The following TBRG1 variants were observed in gnomAD, a reference collection of about 807,000 sequenced individuals.
TBRG1 encodes the protein nuclear interactor of ARF and MDM2.
A neutral mutation model predicts 44.0 loss-of-function variants in TBRG1; 31 were observed. The ratio of observed to expected loss-of-function variants is 0.70; its 90% CI spans 0.53 to 0.95. The LOEUF is 0.95. Among genes scored for constraint, TBRG1 ranks in the 40% least tolerant of loss-of-function variants. The pLI, the probability that TBRG1 is intolerant of heterozygous loss-of-function variation, is 0.00. For synonymous variants in TBRG1, 171 were observed against 188.1 expected (o/e 0.91, Z 0.74); for missense variants, 487 against 496.1 (o/e 0.98, Z 0.18).
intron 4 of TBRG1, 106 bp downstream of exon 4, chr11:124,626,715 A>G (rs1238317619): frequency 2.1e-6 from 3 of 1,450,054 alleles, no homozygotes; most frequent in Middle Eastern, 2.0e-4. Context: ...GCTGATCCAT[A>G]CCAACCCCAG....
intron 7 of TBRG1, 41 bp downstream of exon 7, chr11:124,630,896 G>GAAA (rs1489090798): frequency 1.1e-5 from 15 of 1,378,336 alleles, no homozygotes. Flanking sequence ...AAAGCTCAGT[G>GAAA]ATCATCCGGC....
At chr11:124,630,293 T>C (rs1040791553) in intron 5 of TBRG1, 95 bp from the exon 6 acceptor site, 5 of 858,090 alleles carry the variant, frequency 5.8e-6, no homozygotes, top group Non-Finnish European at 1.0e-5. Context: ...ATACGTCAGC[T>C]TCACGTTCCA....
intron 5 of TBRG1, among the ~76,000 whole-genome samples, chr11:124,628,327 T>C (rs759207088): frequency 6.6e-6 from 1 of 150,694 alleles, no homozygotes; most frequent in Non-Finnish European, 1.5e-5. Flanking sequence ...ATGAAAAGGC[T>C]TTCTTTAGCA....
At position 124,626,503 on chromosome 11, in the gene TBRG1, TGGC is replaced by T; in HGVS notation, c.488_490del (p.Ala163del). 6.5e-7 allele frequency: 1 copy of T among 1,546,374 alleles called. No homozygotes were observed. ...AAGAAAACATGCAAGAAAAAGAAAA[TGGC>T]GGGAGGTGCTCGCAAGCTGGTTCAG... On this transcript the variant is annotated inframe_deletion, in exon 4 of 9. Coordinates refer to ENST00000441174, the MANE Select transcript of TBRG1 (RefSeq NM_032811.3).
At chr11:124,626,079 G>T (rs1942461451) in intron 3 of TBRG1, among the ~76,000 whole-genome samples, 176 bp downstream of exon 3, 1 of 152,146 alleles carries the variant, frequency 6.6e-6, no homozygotes, top group Non-Finnish European at 1.5e-5. Flanking sequence ...AGCCACTTTG[G>T]GTGGAGAAAT....
At chr11:124,628,070 TATATATATATA>T (rs1942513219) in intron 5 of TBRG1, among the ~76,000 whole-genome samples, 1 of 33,168 alleles carries the variant, frequency 3.0e-5, no homozygotes, top group Admixed American at 3.0e-4. Context: ...CTGTTTTATA[TATATATATATA>T]TATATATATA....
chr11:124,632,097 C>T lies in TBRG1; in HGVS notation c.1095C>T (p.Ser365=). ...EDQNDPLLPG[S]LDLPELQPAA... ...TTAAGGAATTGTTTTCTCCAGGATC[C>T]TTGGACCTCCCAGAGCTTCAGCCTG... Residue 365 remains serine (S), a synonymous_variant, in exon 9 of 9, where the codon TCC becomes TCT. Coordinates refer to ENST00000441174, the MANE Select transcript of TBRG1 (RefSeq NM_032811.3). The T allele has an allele frequency of 6.2e-7, 1 of 1,613,616 alleles. No individual in the cohort carries two copies. Among genetic ancestry groups the T allele is most frequent in the South Asian group, 1.1e-5 (1 of 91,054 alleles).
rs1393952661 is a variant in TBRG1, at chr11:124,622,978, C to G, written c.-106C>G. 8.0e-7 allele frequency: 1 copy of G among 1,256,022 alleles called. No individual in the cohort carries two copies. Among genetic ancestry groups the G allele is most frequent in the Non-Finnish European group, 1.1e-6 (1 of 933,780 alleles). 77.8% of individuals were successfully genotyped at this position (1,256,022 alleles called of 1,614,324 possible). A position where few individuals can be genotyped will look rare whatever the true frequency, so the allele number is the denominator to read the frequency against. On this transcript the variant is annotated 5_prime_UTR_variant, in exon 1 of 9. Coordinates refer to ENST00000441174, the MANE Select transcript of TBRG1 (RefSeq NM_032811.3). ...TCCCGGAGAGCTAGATTCCTAGAGG[C>G]CCGATTCCGCTAGCCCGGAACAGAC...
rs772677766 is a variant in TBRG1 at position 124,632,221 on chromosome 11, A to G, written c.1219A>G (p.Ile407Val). Reference protein sequence around the residue: ...HLKSPSQGSPIQSSD With the variant: ...HLKSPSQGSPVQSSD ...GAAGTCTCCATCACAGGGTAGCCCA[A>G]TTCAGTCTTCAGATTGAACAAGAAG... Residue 407 changes from isoleucine to valine, a missense_variant, in exon 9 of 9, where the codon ATT (isoleucine) becomes GTT (valine). Transcript: ENST00000441174. The G allele has an allele frequency of 1.9e-6, 3 of 1,613,772 alleles. No individual in the cohort carries two copies. Among genetic ancestry groups the G allele is most frequent in the South Asian group, 1.1e-5 (1 of 91,044 alleles).
chr11:124,628,571 A>G (rs545223607), intron 5 of TBRG1, among the ~76,000 whole-genome samples: 2 of 150,964 alleles, frequency 1.3e-5, no homozygotes, highest in East Asian at 2.0e-4. Flanking sequence ...AACAGTGCAG[A>G]TGGTAAAGTG....
Position 124,622,975 on chromosome 11 carries a change from A to G in TBRG1, c.-109A>G. The G allele has an allele frequency of 2.4e-6, 3 of 1,231,444 alleles. No homozygotes were observed. Among genetic ancestry groups the G allele is most frequent in the South Asian group, 1.6e-5 (1 of 63,312 alleles). The allele number at this position is 1,231,444 out of a possible 1,614,324, so 76.3% of individuals were successfully genotyped here. A position where few individuals can be genotyped will look rare whatever the true frequency, so the allele number is the denominator to read the frequency against. On this transcript the variant is annotated 5_prime_UTR_variant, in exon 1 of 9. Coordinates refer to ENST00000441174, the MANE Select transcript of TBRG1 (RefSeq NM_032811.3). ...ACGTCCCGGAGAGCTAGATTCCTAG[A>G]GGCCCGATTCCGCTAGCCCGGAACA...
At chr11:124,626,808 T>C (rs562040236) in intron 4 of TBRG1, 96 bp from the exon 5 acceptor site, 103 of 1,539,832 alleles carry the variant, frequency 6.7e-5, no homozygotes, top group Non-Finnish European at 8.5e-5. Context: ...TGTCACTCTT[T>C]GCAGCCCCAA....
Position 124,632,497 on chromosome 11 carries a change from G to A in TBRG1, c.*259G>A. On this transcript the variant is annotated 3_prime_UTR_variant, in exon 9 of 9. Coordinates refer to ENST00000441174, the MANE Select transcript of TBRG1 (RefSeq NM_032811.3). ...TCTTTTTTGCTTAGCTCTGCCTGAGGTAAAGTAAACTTCAGCCTCTTATAA... is the reference window on the plus strand; with the variant it reads ...TCTTTTTTGCTTAGCTCTGCCTGAGATAAAGTAAACTTCAGCCTCTTATAA... 1 of 313,748 alleles carries A rather than the reference G, an allele frequency of 3.2e-6. No individual in the cohort carries two copies. Among genetic ancestry groups the A allele is most frequent in the Non-Finnish European group, 6.0e-6 (1 of 167,966 alleles). 19.4% of individuals were successfully genotyped at this position (313,748 alleles called of 1,614,324 possible).
At position 124,625,859 on chromosome 11, in the gene TBRG1, A is replaced by T; in HGVS notation, c.410A>T (p.Lys137Met). Residue 137 changes from lysine (K) to methionine (M), a missense_variant, in exon 3 of 9, where the codon AAG becomes ATG. Coordinates refer to ENST00000441174, the MANE Select transcript of TBRG1 (RefSeq NM_032811.3). Reference protein sequence around the residue: ...GAEEPFGKKTKKEKKEKGKEN... With the variant: ...GAEEPFGKKTMKEKKEKGKEN... ...GAGGAACCATTTGGGAAGAAAACTA[A>T]GAAGGAGAAAAAAGAAAAAGGCAAA... is the stretch of plus-strand genomic sequence containing the variant. 1.3e-6 allele frequency: 2 copies of T among 1,578,296 alleles called. No homozygotes were observed. Among genetic ancestry groups the T allele is most frequent in the Non-Finnish European group, 1.7e-6 (2 of 1,164,056 alleles).
intron 5 of TBRG1, among the ~76,000 whole-genome samples, chr11:124,627,892 C>T (rs190682653): frequency 6.6e-4 from 100 of 151,390 alleles, no homozygotes; most frequent in African/African-American, 2.1e-3. Flanking sequence ...ATTGAAAAGC[C>T]GATTCTTAAT....
Position 124,632,360 on chromosome 11 carries a change from T to C in TBRG1, c.*122T>C. On this transcript the variant is annotated 3_prime_UTR_variant, in exon 9 of 9. Transcript: ENST00000441174. ...AAGAAGATACTAACGTATTTCATCA[T>C]GGAAGGTCCTGTGGTGATGGTTTTC... is the stretch of plus-strand genomic sequence containing the variant. 1 of 784,928 alleles carries C rather than the reference T, an allele frequency of 1.3e-6. No individual in the cohort carries two copies. Among genetic ancestry groups the C allele is most frequent in the East Asian group, 2.7e-5 (1 of 36,780 alleles). The allele number at this position is 784,928 out of a possible 1,614,324, so 48.6% of individuals were successfully genotyped here. A position where few individuals can be genotyped will look rare whatever the true frequency, so the allele number is the denominator to read the frequency against.
In TBRG1 at chr11:124,623,068, G is replaced by A. The variant is rs1288081999; in HGVS notation, c.-16G>A. 2.0e-6 allele frequency: 3 copies of A among 1,530,978 alleles called. No homozygotes were observed. The highest frequency in any genetic ancestry group is 2.1e-5 in the Admixed American group (1 of 47,600). 94.8% of individuals were successfully genotyped at this position (1,530,978 alleles called of 1,614,324 possible). A position where few individuals can be genotyped will look rare whatever the true frequency, so the allele number is the denominator to read the frequency against. Reference sequence around the variant, plus strand: ...ATGCCGGCAGCGTCCTGGGGCCCCCGTAGCGGGGCTGGACCATGAGCCTGC... The same window carrying A: ...ATGCCGGCAGCGTCCTGGGGCCCCCATAGCGGGGCTGGACCATGAGCCTGC... On this transcript the variant is annotated 5_prime_UTR_variant, in exon 1 of 9. Transcript: ENST00000441174.
rs543833330 is a variant in TBRG1 at position 124,634,659 on chromosome 11, A to G, written c.*2421A>G. ...AATAGTAGAAAATTGTTAAAAATCT[A>G]TATGTCCATTAATAGGAAATTGGTT... On this transcript the variant is annotated 3_prime_UTR_variant, in exon 9 of 9. Transcript: ENST00000441174. 5.3e-5 allele frequency: 8 copies of G among 152,340 alleles called. No homozygotes were observed. The highest frequency in any genetic ancestry group is 1.9e-4 in the East Asian group (1 of 5,188). The allele number at this position is 152,340 out of a possible 1,614,324, so 9.4% of individuals were successfully genotyped here. A position where few individuals can be genotyped will look rare whatever the true frequency, so the allele number is the denominator to read the frequency against.
At chr11:124,628,065 T>TTATATATATATATATATATA (rs71042445) in intron 5 of TBRG1, among the ~76,000 whole-genome samples, 1 of 69,840 alleles carries the variant, frequency 1.4e-5, no homozygotes, top group Non-Finnish European at 3.0e-5. Context: ...AGTAGCTGTT[T>TTATATATATATATATATATA]TATATATATA....
Sources: gnomAD v4.1 joint callset for allele counts (sites outside exome capture counted in the v4.1 genomes callset) on GRCh38, gnomAD v4.1.1 for gene constraint, MANE v1.5 for transcripts, NCBI Gene and HGNC (gene_info 2026-07-23, HGNC 2026-07-21) for gene names.